The following ROBO1 variants were observed in gnomAD, a reference collection of about 807,000 sequenced individuals.
ROBO1 encodes roundabout guidance receptor 1, also known as roundabout homolog 1.
In ROBO1, 149 loss-of-function variants were observed where a neutral mutation model predicts 195.9. The observed-to-expected ratio is 0.76, with a 90% CI of 0.67 to 0.87. ROBO1 has a LOEUF of 0.87. Among genes scored for constraint, ROBO1 ranks in the 40% least tolerant of loss-of-function variants. The probability of loss-of-function intolerance (pLI) is 0.00; values close to 1 mark genes in which losing one functional copy is unlikely to be tolerated. For missense variants in ROBO1, 1,933 were observed against 2,068.3 expected (o/e 0.93, Z 1.27); for synonymous variants, 816 against 733.2 (o/e 1.11, Z -1.82).
At chr3:79,674,827 CGTGTGTGTGTGT>C (rs151094387) in intron 1 of ROBO1, among the ~76,000 whole-genome samples, 11 of 61,918 alleles carry the variant, frequency 1.8e-4, no homozygotes, top group South Asian at 1.2e-3. Flanking sequence ...TATTTATATC[CGTGTGTGTGTGT>C]GTGTGTGTGT....
intron 4 of ROBO1, among the ~76,000 whole-genome samples, chr3:78,800,501 A>G (rs113470603): frequency 8.9e-4 from 136 of 152,278 alleles, no homozygotes; most frequent in African/African-American, 2.8e-3. Flanking sequence ...AATACTAAAA[A>G]TAATACTATC....
intron 2 of ROBO1, among the ~76,000 whole-genome samples, chr3:79,581,553 C>G (rs80162250): frequency 6.6e-6 from 1 of 151,946 alleles, no homozygotes; most frequent in Non-Finnish European, 1.5e-5. Flanking sequence ...GACACAGTAC[C>G]GAAGTACAGC....
chr3:79,023,517 G>C (rs1178404953), intron 3 of ROBO1, among the ~76,000 whole-genome samples: 1 of 151,932 alleles, frequency 6.6e-6, no homozygotes, highest in Non-Finnish European at 1.5e-5. Flanking sequence ...ATGTACATAA[G>C]GTGCCTTTTA....
intron 1 of ROBO1, among the ~76,000 whole-genome samples, chr3:79,766,599 G>T (rs368434090): frequency 6.6e-6 from 1 of 151,958 alleles, no homozygotes; most frequent in African/African-American, 2.4e-5. Flanking sequence ...GGCAGCCCAG[G>T]CTGCAGCAGT....
At chr3:79,602,946 A>T (rs996314922) in intron 1 of ROBO1, among the ~76,000 whole-genome samples, 5 of 152,008 alleles carry the variant, frequency 3.3e-5, no homozygotes, top group African/African-American at 4.8e-5. Context: ...CTCTTTTAAT[A>T]GCGATATTAG....
At chr3:78,793,929 A>G (rs998942556) in intron 4 of ROBO1, among the ~76,000 whole-genome samples, 5 of 152,210 alleles carry the variant, frequency 3.3e-5, no homozygotes, top group African/African-American at 1.2e-4. Flanking sequence ...ATTTAAATTT[A>G]AAGTATATTG....
At chr3:79,618,671 C>T (rs776550743) in intron 1 of ROBO1, among the ~76,000 whole-genome samples, 1 of 152,136 alleles carries the variant, frequency 6.6e-6, no homozygotes, top group South Asian at 2.1e-4. Flanking sequence ...GATTAAAAAG[C>T]CTTTTTGCTC....
chr3:78,661,358 G>T, intron 15 of ROBO1, 97 bp from the exon 16 acceptor site: 1 of 711,590 alleles, frequency 1.4e-6, no homozygotes, highest in Non-Finnish European at 2.1e-6. Flanking sequence ...ACAAAATTCT[G>T]TCTGGCTTCA....
intron 14 of ROBO1, among the ~76,000 whole-genome samples, chr3:78,665,192 A>G (rs1309953727): frequency 6.6e-6 from 1 of 152,196 alleles, no homozygotes; most frequent in East Asian, 1.9e-4. Context: ...GAACAAACAC[A>G]TTACTCCATT....
chr3:78,623,181 T>C (rs140177773), intron 26 of ROBO1, among the ~76,000 whole-genome samples: 167 of 152,290 alleles, frequency 1.1e-3, no homozygotes, highest in African/African-American at 4.0e-3. Flanking sequence ...TAATTAAATA[T>C]GCAATGACAG....
intron 3 of ROBO1, among the ~76,000 whole-genome samples, chr3:78,987,895 G>A (rs2077149050): frequency 6.6e-6 from 1 of 151,928 alleles, no homozygotes; most frequent in Admixed American, 6.6e-5. Flanking sequence ...CACCTACTAT[G>A]TACCCACCAA....
intron 2 of ROBO1, among the ~76,000 whole-genome samples, chr3:79,489,666 AAAAGAAAG>A (rs1168816500): frequency 2.6e-5 from 4 of 151,486 alleles, no homozygotes; most frequent in Admixed American, 6.6e-5. Context: ...AAAAAAAAAA[AAAAGAAAG>A]AAAGAAGTAA....
chr3:79,519,545 C>G (rs151081232), intron 2 of ROBO1, among the ~76,000 whole-genome samples: 1,635 of 134,082 alleles, frequency 0.012, 24 homozygotes, highest in African/African-American at 0.043. Context: ...AGGAGAATGG[C>G]GTGAACCTGG....
chr3:79,086,741 C>T (rs1017229831), intron 3 of ROBO1, among the ~76,000 whole-genome samples: 3 of 152,088 alleles, frequency 2.0e-5, no homozygotes, highest in Non-Finnish European at 2.9e-5. Flanking sequence ...GCCCCGCTTA[C>T]TAATATATAT....
At chr3:79,385,816 A>T (rs1224339486) in intron 2 of ROBO1, among the ~76,000 whole-genome samples, 1 of 152,176 alleles carries the variant, frequency 6.6e-6, no homozygotes, top group Non-Finnish European at 1.5e-5. Context: ...GAAAAACTCA[A>T]TGGAGATAGT....
intron 4 of ROBO1, among the ~76,000 whole-genome samples, chr3:78,870,473 G>A (rs2035480300): frequency 6.6e-6 from 1 of 152,188 alleles, no homozygotes; most frequent in East Asian, 1.9e-4. Flanking sequence ...CAGAAGGACA[G>A]AAGAGGTTAA....
intron 3 of ROBO1, among the ~76,000 whole-genome samples, chr3:79,120,425 G>A (rs983946332): frequency 4.6e-5 from 7 of 152,252 alleles, no homozygotes; most frequent in South Asian, 2.1e-4. Context: ...ACAAGCAAGC[G>A]TGGACAGAAT....
chr3:78,599,911 C>T, intron 30 of ROBO1: 1 of 607,544 alleles, frequency 1.6e-6, no homozygotes, highest in Non-Finnish European at 2.9e-6. Flanking sequence ...AACAAATAAA[C>T]TGCCATTAAC....
Position 78,639,730 on chromosome 3 carries a change from T to C in ROBO1, c.3037+14A>G, listed in dbSNP as rs1384965550. On this transcript the variant is annotated intron_variant, in intron 22 of 30. Coordinates refer to ENST00000464233, the MANE Select transcript of ROBO1 (RefSeq NM_002941.4). The stretch of plus-strand genomic sequence containing the variant: ...AAAAGCTTATACATATCAGGCTCTC[T>C]CTGTGTCCCTAACCTGGGCGACTGT... 1 of 1,608,390 alleles carries C rather than the reference T, an allele frequency of 6.2e-7. No individual in the cohort carries two copies. The highest frequency in any genetic ancestry group is 1.7e-5 in the Admixed American group (1 of 59,544).
Sources: gnomAD v4.1 joint callset for allele counts (sites outside exome capture counted in the v4.1 genomes callset) on GRCh38, gnomAD v4.1.1 for gene constraint, MANE v1.5 for transcripts, NCBI Gene and HGNC (gene_info 2026-07-23, HGNC 2026-07-21) for gene names.